Variants in BAIAP2L1 observed in about 807,000 individuals in gnomAD.
BAIAP2L1 encodes BAR/IMD domain-containing adapter protein 2-like 1.
BAIAP2L1 carries 35 observed loss-of-function variants against 66.3 expected under a neutral mutation model. That is an observed-to-expected ratio of 0.53 (90% confidence interval 0.40 to 0.70). BAIAP2L1 has a LOEUF of 0.70. BAIAP2L1 is among the 30% of genes least tolerant of loss of function. The probability of loss-of-function intolerance (pLI) is 0.00; values close to 1 mark genes in which losing one functional copy is unlikely to be tolerated. For synonymous variants in BAIAP2L1, 269 were observed against 248.7 expected (o/e 1.08, Z -0.77); for missense variants, 622 against 656.9 (o/e 0.95, Z 0.58).
rs1228329761 is a variant in BAIAP2L1, at chr7:98,292,833, A to G, written c.*688T>C. On this transcript the variant is annotated 3_prime_UTR_variant, in exon 14 of 14. Coordinates refer to ENST00000005260, the MANE Select transcript of BAIAP2L1 (RefSeq NM_018842.5). ...GTCCTGGATGGGCCGTGTGCAGCGA[A>G]TCCGTTGGCGACTCCTAACTACCAA... 1 of 1,467,908 alleles carries G rather than the reference A, an allele frequency of 6.8e-7. No individual in the cohort carries two copies. The highest frequency in any genetic ancestry group is 1.4e-5 in the African/African-American group (1 of 69,868). 90.9% of individuals were successfully genotyped at this position (1,467,908 alleles called of 1,614,324 possible).
chr7:98,307,382 A>C (rs912596766), intron 10 of BAIAP2L1: 1 of 1,187,524 alleles, frequency 8.4e-7, no homozygotes, highest in Admixed American at 4.0e-5. Flanking sequence ...CTGGGATTAC[A>C]AGCATGAGCC....
rs1800716356 is a variant in BAIAP2L1, at chr7:98,307,784, CTTG to C, written c.1065_1067del (p.Asn355del). 1 of 1,614,258 alleles carries C rather than the reference CTTG, an allele frequency of 6.2e-7. No homozygotes were observed. The highest frequency in any genetic ancestry group is 8.5e-7 in the Non-Finnish European group (1 of 1,180,052). On this transcript the variant is annotated inframe_deletion, in exon 10 of 14. Coordinates refer to ENST00000005260, the MANE Select transcript of BAIAP2L1 (RefSeq NM_018842.5). ...CTCCCTGTGCAAAGCTGAGTAAGGT[CTTG>C]TTGGAGCCCGCAGTGTGCGGGAAGA...
At chr7:98,303,913 A>C (rs1800528299) in intron 12 of BAIAP2L1, among the ~76,000 whole-genome samples, 1 of 152,230 alleles carries the variant, frequency 6.6e-6, no homozygotes, top group Non-Finnish European at 1.5e-5. Context: ...AAAGATAAGA[A>C]ACCTAATAAA....
At position 98,338,718 on chromosome 7, in the gene BAIAP2L1, C is replaced by CA. The variant is rs1373493343; in HGVS notation, c.214+16323dup. Among the ~76,000 whole-genome samples, 87 of 152,230 alleles carry CA rather than the reference C, an allele frequency of 5.7e-4. 1 individual carries two copies. The highest frequency in any genetic ancestry group is 2.0e-3 in the African/African-American group (85 of 41,554). On this transcript the variant is annotated intron_variant, in intron 3 of 13. Transcript: ENST00000005260. ...GTTTTTCCACTTATCAGCAGGTGGA[C>CA]ATCTGGGCTGCCTCCACCTTTTGGC...
At chr7:98,393,068 T>C (rs1324413157) in intron 1 of BAIAP2L1, among the ~76,000 whole-genome samples, 1 of 99,260 alleles carries the variant, frequency 1.0e-5, no homozygotes, top group Non-Finnish European at 2.3e-5. Flanking sequence ...TGTACACATA[T>C]ATGTATACAC....
chr7:98,372,931 G>T (rs1247625647), intron 1 of BAIAP2L1, among the ~76,000 whole-genome samples: 1 of 152,004 alleles, frequency 6.6e-6, no homozygotes, highest in Non-Finnish European at 1.5e-5. Flanking sequence ...GTAGAGATGG[G>T]GTTTCGCCAT....
At chr7:98,374,269 A>T (rs1802573019) in intron 1 of BAIAP2L1, among the ~76,000 whole-genome samples, 1 of 152,114 alleles carries the variant, frequency 6.6e-6, no homozygotes, top group East Asian at 1.9e-4. Flanking sequence ...TATGTCATTA[A>T]TTTTTTCCAT....
intron 12 of BAIAP2L1, among the ~76,000 whole-genome samples, chr7:98,303,924 A>G (rs185926709): frequency 1.3e-5 from 2 of 152,356 alleles, no homozygotes; most frequent in East Asian, 1.9e-4. Flanking sequence ...ACCTAATAAA[A>G]TCTAGCAAAC....
intron 12 of BAIAP2L1, among the ~76,000 whole-genome samples, chr7:98,301,105 C>T (rs1009304284): frequency 1.3e-5 from 2 of 152,198 alleles, no homozygotes; most frequent in African/African-American, 2.4e-5. Flanking sequence ...GGTCTCATCT[C>T]TGTCCACAAA....
chr7:98,314,574 T>C (rs757775808), intron 7 of BAIAP2L1, among the ~76,000 whole-genome samples: 1 of 152,128 alleles, frequency 6.6e-6, no homozygotes, highest in Non-Finnish European at 1.5e-5. Flanking sequence ...GGTTCGAACC[T>C]CACAGCTGTG....
intron 3 of BAIAP2L1, among the ~76,000 whole-genome samples, chr7:98,338,996 C>T (rs1801676119): frequency 6.6e-6 from 1 of 151,710 alleles, no homozygotes. Flanking sequence ...TCGCTTGAAC[C>T]CAGGAGGCAG....
At chr7:98,400,695 G>C in intron 1 of BAIAP2L1, 107 bp downstream of exon 1, 1 of 1,294,330 alleles carries the variant, frequency 7.7e-7, no homozygotes, top group Non-Finnish European at 1.1e-6. Context: ...GGAAGGACGC[G>C]GGGGAGGGGA....
chr7:98,371,531 T>C (rs1028598604), intron 1 of BAIAP2L1, among the ~76,000 whole-genome samples: 5 of 152,200 alleles, frequency 3.3e-5, no homozygotes, highest in African/African-American at 1.2e-4. Flanking sequence ...CCTGTTTACC[T>C]CGGCATTTCT....
intron 12 of BAIAP2L1, among the ~76,000 whole-genome samples, chr7:98,295,110 C>A (rs1046665706): frequency 1.3e-5 from 2 of 152,228 alleles, no homozygotes; most frequent in Admixed American, 6.5e-5. Flanking sequence ...GCACGCAGAC[C>A]TCTCAAGATT....
intron 3 of BAIAP2L1, among the ~76,000 whole-genome samples, chr7:98,352,778 T>C (rs1802027435): frequency 6.6e-6 from 1 of 152,160 alleles, no homozygotes; most frequent in South Asian, 2.1e-4. Flanking sequence ...GCTGTGGAAA[T>C]AGCTGTTTCA....
At chr7:98,321,864 G>A (rs1024509103) in intron 3 of BAIAP2L1, among the ~76,000 whole-genome samples, 5 of 152,204 alleles carry the variant, frequency 3.3e-5, no homozygotes, top group African/African-American at 9.6e-5. Context: ...TTGGGAGGCT[G>A]AGGTGGGAGT....
chr7:98,300,278 C>T (rs1453154957), intron 12 of BAIAP2L1, among the ~76,000 whole-genome samples: 2 of 152,168 alleles, frequency 1.3e-5, no homozygotes, highest in Admixed American at 6.5e-5. Context: ...GCTCCCTGCT[C>T]CCGCCCTTGG....
chr7:98,357,043 ATATATATTTT>A (rs1271832479), intron 2 of BAIAP2L1, among the ~76,000 whole-genome samples: 4 of 16,764 alleles, frequency 2.4e-4, no homozygotes, highest in Admixed American at 1.4e-3. Flanking sequence ...ATATATATAT[ATATATATTTT>A]TTTTTTTTTT....
At chr7:98,388,259 G>A (rs191790255) in intron 1 of BAIAP2L1, among the ~76,000 whole-genome samples, 18 of 152,292 alleles carry the variant, frequency 1.2e-4, no homozygotes, top group African/African-American at 3.9e-4. Context: ...AAAGAATAGG[G>A]CATTATCAAG....
Sources: allele counts gnomAD v4.1 joint callset (sites outside exome capture counted in the v4.1 genomes callset), GRCh38; gene constraint gnomAD v4.1.1; transcripts MANE v1.5; gene names NCBI Gene and HGNC (gene_info 2026-07-23, HGNC 2026-07-21).